The following KIF5C variants were observed in gnomAD, a reference collection of about 807,000 sequenced individuals.
KIF5C encodes the protein kinesin family member 5C, also known as kinesin heavy chain isoform 5C.
Under a neutral mutation model 125.2 loss-of-function variants are expected in KIF5C, and 18 were observed. The observed-to-expected ratio is 0.14, with a 90% CI of 0.10 to 0.21. The LOEUF (loss-of-function observed/expected upper bound fraction) is 0.21. Among genes scored for constraint, KIF5C ranks in the 10% least tolerant of loss-of-function variants. The pLI, the probability that KIF5C is intolerant of heterozygous loss-of-function variation, is 1.00. For missense variants in KIF5C, 780 were observed against 1,183.8 expected, an observed-to-expected ratio of 0.66 and a Z score of 5.01; for synonymous variants, 405 against 434.0, an observed-to-expected ratio of 0.93 and a Z score of 0.83.
intron 1 of KIF5C, among the ~76,000 whole-genome samples, chr2:148,897,340 G>C (rs1190086229): frequency 6.6e-6 from 1 of 152,020 alleles, no homozygotes. Context: ...TAGTAGACTA[G>C]GGTTTCTTGA....
chr2:149,010,355 C>A lies in KIF5C; in HGVS notation c.2767+4C>A, dbSNP rs374615090. ...AGGGCCCATTCAGCCCAGATCGGTA[C>A]GTGCGTGCACAGTGGCGCCCGGGGT... is the stretch of plus-strand genomic sequence containing the variant. On this transcript the variant is annotated splice_donor_region_variant and intron_variant, in intron 24 of 25. Transcript: ENST00000435030. The A allele has an allele frequency of 4.5e-6, 7 of 1,553,082 alleles. No homozygotes were observed. The highest frequency in any genetic ancestry group is 6.1e-6 in the Non-Finnish European group (7 of 1,150,974).
intron 1 of KIF5C, among the ~76,000 whole-genome samples, chr2:148,897,841 C>A (rs1680728481): frequency 1.5e-5 from 2 of 130,548 alleles, no homozygotes. Flanking sequence ...ATCACTTGAA[C>A]CTGGAAGGCG....
At chr2:148,981,614 C>T in intron 14 of KIF5C, 53 bp downstream of exon 14, 1 of 1,515,950 alleles carries the variant, frequency 6.6e-7, no homozygotes, top group Admixed American at 2.1e-5. Context: ...CGTTCCTGTA[C>T]TCATATTGAT....
At chr2:148,973,555 G>T in intron 12 of KIF5C, 44 bp downstream of exon 12, 2 of 1,548,592 alleles carry the variant, frequency 1.3e-6, no homozygotes. Flanking sequence ...CTACAAAGAT[G>T]AAAGATGGCA....
intron 1 of KIF5C, chr2:148,884,070 T>G (rs1681446638): frequency 6.6e-6 from 1 of 152,224 alleles, no homozygotes; most frequent in African/African-American, 2.4e-5. Context: ...TCGAGCTAAA[T>G]TAAATTCTTA....
At chr2:149,004,648 C>T (rs1419718787) in intron 21 of KIF5C, among the ~76,000 whole-genome samples, 1 of 152,136 alleles carries the variant, frequency 6.6e-6, no homozygotes, top group Non-Finnish European at 1.5e-5. Flanking sequence ...GAAAAAATGG[C>T]TTTTATGTTA....
rs1681238711 is a variant in KIF5C at position 148,877,894 on chromosome 2, T to C, written c.126+2151T>C. The C allele has an allele frequency of 2.0e-5, 3 of 152,216 alleles. No individual in the cohort carries two copies. The South Asian group carries it at 6.2e-4, about 32-fold the overall frequency. The allele number at this position is 152,216 out of a possible 1,614,324, so 9.4% of individuals were successfully genotyped here. A position where few individuals can be genotyped will look rare whatever the true frequency, so the allele number is the denominator to read the frequency against. ...CTTTAATATGACATTGCTATGAGTA[T>C]ATATTTCCTTATCTAAATAAACATA... On this transcript the variant is annotated intron_variant, in intron 1 of 25. Transcript: ENST00000435030.
intron 1 of KIF5C, among the ~76,000 whole-genome samples, chr2:148,889,548 C>T (rs564886553): frequency 5.3e-5 from 8 of 152,220 alleles, no homozygotes; most frequent in Non-Finnish European, 1.2e-4. Flanking sequence ...GGGTTCTTCT[C>T]ACATGCTCAC....
At chr2:149,010,113 T>A (rs6740780) in intron 23 of KIF5C, 22 bp from the exon 24 acceptor site, 10 of 1,531,418 alleles carry the variant, frequency 6.5e-6, no homozygotes, top group Non-Finnish European at 8.8e-6. Context: ...AGTAACTCCC[T>A]TCCTTTATCC....
chr2:148,932,665 A>G (rs1040330628), intron 3 of KIF5C, among the ~76,000 whole-genome samples: 2 of 152,212 alleles, frequency 1.3e-5, no homozygotes, highest in Non-Finnish European at 2.9e-5. Context: ...GCACACTGAT[A>G]TAGATGGATG....
At chr2:148,899,635 A>G (rs1172518772) in intron 1 of KIF5C, among the ~76,000 whole-genome samples, 1 of 148,602 alleles carries the variant, frequency 6.7e-6, no homozygotes, top group African/African-American at 2.5e-5. Context: ...TCCAGAAGGC[A>G]GAGGTTGCGG....
At chr2:148,899,970 C>T (rs1680831413) in intron 1 of KIF5C, among the ~76,000 whole-genome samples, 1 of 152,194 alleles carries the variant, frequency 6.6e-6, no homozygotes, top group Non-Finnish European at 1.5e-5. Flanking sequence ...TTCATTCTGC[C>T]TAACTTTAAG....
chr2:148,985,297 A>G (rs1681349847), intron 15 of KIF5C, among the ~76,000 whole-genome samples: 1 of 152,228 alleles, frequency 6.6e-6, no homozygotes, highest in African/African-American at 2.4e-5. Context: ...CATTTTTAAA[A>G]CAAAACAAAA....
chr2:148,947,094 T>C, intron 8 of KIF5C, 71 bp downstream of exon 8: 1 of 1,503,394 alleles, frequency 6.7e-7, no homozygotes, highest in Admixed American at 2.6e-5. Flanking sequence ...ATGGTATAAT[T>C]TTTATGCTTT....
intron 1 of KIF5C, among the ~76,000 whole-genome samples, chr2:148,919,314 G>A (rs1211956817): frequency 6.6e-6 from 1 of 152,222 alleles, no homozygotes; most frequent in African/African-American, 2.4e-5. Context: ...AGAGGTTGGA[G>A]AGAGCCATGT....
intron 1 of KIF5C, among the ~76,000 whole-genome samples, chr2:148,916,740 T>C (rs1681568623): frequency 6.6e-6 from 1 of 152,082 alleles, no homozygotes; most frequent in Non-Finnish European, 1.5e-5. Flanking sequence ...TTGGAATTGA[T>C]TGGGAGGAAA....
At chr2:149,021,864 T>TCCCCTAGAGTACCCCTA (rs1427669910) in intron 25 of KIF5C, among the ~76,000 whole-genome samples, 42 of 152,048 alleles carry the variant, frequency 2.8e-4, no homozygotes, top group African/African-American at 9.9e-4. Flanking sequence ...TAGAGTACCA[T>TCCCCTAGAGTACCCCTA]GAGCTCTGCA....
At chr2:148,941,050 C>T (rs1243419465) in intron 4 of KIF5C, among the ~76,000 whole-genome samples, 1 of 152,180 alleles carries the variant, frequency 6.6e-6, no homozygotes, top group African/African-American at 2.4e-5. Flanking sequence ...GGGAAGGCCT[C>T]CTTTTCTTCT....
Position 148,875,547 on chromosome 2 carries a change from G to T in KIF5C, c.-71G>T. 1.5e-6 allele frequency: 2 copies of T among 1,293,652 alleles called. No homozygotes were observed. The highest frequency in any genetic ancestry group is 2.0e-5 in the Admixed American group (1 of 50,164). 80.1% of individuals were successfully genotyped at this position (1,293,652 alleles called of 1,614,324 possible). ...CTAGCTGTGGGCGGTGCAGCTCGCG[G>T]CCTCCTCCCTCGTCGTTCCCGGCCC... On this transcript the variant is annotated 5_prime_UTR_variant, in exon 1 of 26. Transcript: ENST00000435030.
Sources: gnomAD v4.1 joint callset for allele counts (sites outside exome capture counted in the v4.1 genomes callset) on GRCh38, gnomAD v4.1.1 for gene constraint, MANE v1.5 for transcripts, NCBI Gene and HGNC (gene_info 2026-07-23, HGNC 2026-07-21) for gene names.